Variants in MYO7A observed in about 807,000 individuals in gnomAD.
The protein encoded by MYO7A is unconventional myosin-VIIa.
MYO7A carries 210 observed loss-of-function variants against 263.8 expected under a neutral mutation model. The observed-to-expected ratio is 0.80, with a 90% CI of 0.71 to 0.89. The LOEUF (loss-of-function observed/expected upper bound fraction) is 0.89. Ranked by LOEUF, MYO7A falls within the 40% of genes least tolerant of loss-of-function variation. The probability of loss-of-function intolerance (pLI) is 0.00; values close to 1 mark genes in which losing one functional copy is unlikely to be tolerated. For synonymous variants in MYO7A, 1,239 were observed against 1,197.3 expected, an observed-to-expected ratio of 1.03 and a Z score of -0.72; for missense variants, 2,820 against 2,968.3, an observed-to-expected ratio of 0.95 and a Z score of 1.16.
chr11:77,200,470 A>G (rs1956992395), intron 35 of MYO7A, among the ~76,000 whole-genome samples: 1 of 152,158 alleles, frequency 6.6e-6, no homozygotes, highest in African/African-American at 2.4e-5. Flanking sequence ...CTCACTCATT[A>G]CCGTGAGCAC....
chr11:77,185,922 A>T (rs375787810), intron 27 of MYO7A, among the ~76,000 whole-genome samples: 74 of 137,908 alleles, frequency 5.4e-4, no homozygotes, highest in East Asian at 1.3e-3. Context: ...CTTGTACATC[A>T]TTTTTTTTTT....
Position 77,179,857 on chromosome 11 carries a change from C to T in MYO7A, c.2490C>T (p.Arg830=), listed in dbSNP as rs1001815250. The T allele has an allele frequency of 6.5e-7, 1 of 1,541,790 alleles. No homozygotes were observed. The highest frequency in any genetic ancestry group is 1.4e-5 in the African/African-American group (1 of 73,166). Residue 830 remains arginine (R), a synonymous_variant, in exon 21 of 49, where the codon CGC becomes CGT. Transcript: ENST00000409709. ...CCCGCTGCCGCGCCTATCTGGTGCG[C>T]AAGGCCTTCCGCCACCGCCTCTGGG... ...FQARCRAYLV[R]KAFRHRLWAV...
intron 4 of MYO7A, among the ~76,000 whole-genome samples, chr11:77,149,008 G>A (rs1022020038): frequency 4.6e-5 from 7 of 152,200 alleles, no homozygotes; most frequent in Non-Finnish European, 1.0e-4. Context: ...CAGACTTCCT[G>A]CAAGGGTCTT....
At chr11:77,185,853 T>C (rs782404468) in intron 27 of MYO7A, among the ~76,000 whole-genome samples, 20 of 152,272 alleles carry the variant, frequency 1.3e-4, no homozygotes, top group Non-Finnish European at 2.6e-4. Context: ...AATTACTCCT[T>C]GATCCATAGG....
At chr11:77,186,968 G>A (rs1955691012) in intron 27 of MYO7A, among the ~76,000 whole-genome samples, 1 of 152,132 alleles carries the variant, frequency 6.6e-6, no homozygotes. Context: ...CCATTTTAGG[G>A]TTATTAATTG....
chr11:77,182,207 A>G (rs944649483), intron 24 of MYO7A, 53 bp downstream of exon 24: 22 of 1,598,580 alleles, frequency 1.4e-5, no homozygotes, highest in Non-Finnish European at 1.7e-5. Flanking sequence ...GGCTGGGGCT[A>G]TGGACTCTGC....
At position 77,180,496 on chromosome 11, in the gene MYO7A, T is replaced by C. The variant is rs1955084243; in HGVS notation, c.2694+15T>C. 2 of 1,606,900 alleles carry C rather than the reference T, an allele frequency of 1.2e-6. No individual in the cohort carries two copies. The highest frequency in any genetic ancestry group is 1.3e-5 in the African/African-American group (1 of 74,828). On this transcript the variant is annotated intron_variant, in intron 22 of 48. Coordinates refer to ENST00000409709, the MANE Select transcript of MYO7A (RefSeq NM_000260.4). ...GCAAGCATCAGGTGAGCTGAGAGCC[T>C]CCAGGCACCTTAGGTGTCCACTTGC...
intron 14 of MYO7A, 28 bp downstream of exon 14, chr11:77,163,016 C>T (rs782384986): frequency 4.3e-6 from 7 of 1,610,820 alleles, no homozygotes; most frequent in Non-Finnish European, 5.9e-6. Context: ...CTGTCTGTCA[C>T]TCCCTGCCCG....
intron 9 of MYO7A, among the ~76,000 whole-genome samples, chr11:77,158,636 G>A (rs1952714890): frequency 6.6e-6 from 1 of 152,248 alleles, no homozygotes. Flanking sequence ...TGTGCTGACA[G>A]TCCACCACGG....
chr11:77,214,069 T>C lies in MYO7A; in HGVS notation c.6558+90T>C, dbSNP rs547604677. Reference sequence around the variant, plus strand: ...AGGGCCTGGAACAAACACAGTAGTGTGCGGCTGGGCCTGGGGTCGTGGGCA... The same window carrying C: ...AGGGCCTGGAACAAACACAGTAGTGCGCGGCTGGGCCTGGGGTCGTGGGCA... On this transcript the variant is annotated intron_variant, in intron 48 of 48. Transcript: ENST00000409709. 6.4e-6 allele frequency: 10 copies of C among 1,566,292 alleles called. 1 individual carries two copies. The South Asian group carries it at 1.2e-4, about 18-fold the overall frequency.
Position 77,130,654 on chromosome 11 carries a change from T to A in MYO7A, c.18+2T>A, listed in dbSNP as rs564622720. On this transcript the variant is annotated splice_donor_variant, in intron 2 of 48. Coordinates refer to ENST00000409709, the MANE Select transcript of MYO7A (RefSeq NM_000260.4). LOFTEE classifies it high-confidence loss of function. ...GGGACCATGGTGATTCTTCAGCAGG[T>A]CAGTGTTCCCACCTCTTTGGGTGGC... The A allele has an allele frequency of 1.9e-6, 3 of 1,613,234 alleles. No individual in the cohort carries two copies. The highest frequency in any genetic ancestry group is 2.2e-5 in the South Asian group (2 of 90,720).
Position 77,138,782 on chromosome 11 carries a change from C to T in MYO7A, c.19-3927C>T, listed in dbSNP as rs1475753190. Among the ~76,000 whole-genome samples the T allele has an allele frequency of 7.9e-5, 12 of 152,222 alleles. No individual in the cohort carries two copies. The highest frequency in any genetic ancestry group is 1.2e-4 in the Non-Finnish European group (8 of 68,040). Reference sequence around the variant, plus strand: ...ACCGCTGATGGAAGAGAAAGCTAGGCCCACTGGTCTCCTCTCCAAACTATG... The same window carrying T: ...ACCGCTGATGGAAGAGAAAGCTAGGTCCACTGGTCTCCTCTCCAAACTATG... On this transcript the variant is annotated intron_variant, in intron 2 of 48. Coordinates refer to ENST00000409709, the MANE Select transcript of MYO7A (RefSeq NM_000260.4). The surrounding 1 kb of genome is among the most constrained non-coding windows in gnomAD (Gnocchi z 4.9).
intron 27 of MYO7A, among the ~76,000 whole-genome samples, chr11:77,188,362 C>G (rs1374221290): frequency 1.3e-5 from 2 of 152,306 alleles, no homozygotes; most frequent in South Asian, 2.1e-4. Context: ...TAATTGGGAT[C>G]TAGATAGTGG....
At position 77,138,042 on chromosome 11, in the gene MYO7A, G is replaced by A. The variant is rs1016394072; in HGVS notation, c.19-4667G>A. Among the ~76,000 whole-genome samples the A allele has an allele frequency of 2.6e-5, 4 of 152,290 alleles. No homozygotes were observed. Among genetic ancestry groups the A allele is most frequent in the Middle Eastern group, 3.4e-3 (1 of 294 alleles). On this transcript the variant is annotated intron_variant, in intron 2 of 48. Coordinates refer to ENST00000409709, the MANE Select transcript of MYO7A (RefSeq NM_000260.4). This position sits in a 1 kb window ranked among gnomAD's most constrained non-coding sequence, Gnocchi z 4.9. The stretch of plus-strand genomic sequence containing the variant: ...ACTGCCGTCAGGTGCGGTGCCAGGT[G>A]CCACGTTTATCCCGGGCCTACCGCC...
intron 9 of MYO7A, 148 bp from the exon 10 acceptor site, chr11:77,159,299 G>A (rs1555066647): frequency 1.5e-6 from 1 of 669,332 alleles, no homozygotes; most frequent in African/African-American, 1.8e-5. Context: ...CCTTGACCTG[G>A]GGAAGCATTT....
rs1555065805 is a variant in MYO7A, at chr11:77,158,346, G to T, written c.919G>T (p.Val307Leu). ...EYANIRSAMK[V>L]LMFTDTENWE... ...CGCCAACATCCGCTCCGCCATGAAGGTGCTCATGTTCACTGACACCGAGAA... is the reference window on the plus strand; with the variant it reads ...CGCCAACATCCGCTCCGCCATGAAGTTGCTCATGTTCACTGACACCGAGAA... Residue 307 changes from valine (V) to leucine (L), a missense_variant, in exon 9 of 49, where the codon GTG becomes TTG. By Grantham distance (32) the Val-to-Leu change is conservative (BLOSUM62 1). Transcript: ENST00000409709. The T allele has an allele frequency of 6.2e-7, 1 of 1,613,466 alleles. No homozygotes were observed. Among genetic ancestry groups the T allele is most frequent in the Non-Finnish European group, 8.5e-7 (1 of 1,179,768 alleles).
At chr11:77,175,536 G>A (rs900092625) in intron 18 of MYO7A, 72 bp downstream of exon 18, 53 of 1,371,398 alleles carry the variant, frequency 3.9e-5, no homozygotes, top group Non-Finnish European at 5.0e-5. Flanking sequence ...TGGGGTGCTC[G>A]GGAGAGGGAG....
intron 31 of MYO7A, among the ~76,000 whole-genome samples, chr11:77,192,543 C>T (rs908477260): frequency 2.6e-5 from 4 of 151,496 alleles, no homozygotes; most frequent in Non-Finnish European, 4.4e-5. Context: ...AGTGACTGTG[C>T]GTGCTACAGA....
At chr11:77,213,743 T>C (rs1306466347) in intron 47 of MYO7A, 117 bp from the exon 48 acceptor site, 9 of 1,466,632 alleles carry the variant, frequency 6.1e-6, no homozygotes, top group Non-Finnish European at 8.4e-6. Context: ...CAGAGCTGGC[T>C]TTTCCCTCCG....
Sources: gnomAD v4.1 joint callset for allele counts (sites outside exome capture counted in the v4.1 genomes callset) on GRCh38, gnomAD v4.1.1 for gene constraint, Gnocchi (gnomAD v3.1) non-coding constraint, MANE v1.5 for transcripts, NCBI Gene and HGNC (gene_info 2026-07-23, HGNC 2026-07-21) for gene names.